Variants in SNTG1 observed in about 807,000 individuals in gnomAD.
SNTG1 encodes the protein gamma-1-syntrophin.
SNTG1 carries 39 observed loss-of-function variants against 74.7 expected under a neutral mutation model. The ratio of observed to expected loss-of-function variants is 0.52; its 90% CI spans 0.40 to 0.68. The LOEUF is 0.68. SNTG1 is among the 30% of genes least tolerant of loss of function. The probability of loss-of-function intolerance (pLI) is 0.00; values close to 1 mark genes in which losing one functional copy is unlikely to be tolerated. For missense variants in SNTG1, 685 were observed against 609.5 expected, an observed-to-expected ratio of 1.12 and a Z score of -1.30; for synonymous variants, 254 against 217.1, an observed-to-expected ratio of 1.17 and a Z score of -1.49.
At chr8:50,142,859 G>A (rs2081718422) in intron 1 of SNTG1, among the ~76,000 whole-genome samples, 1 of 152,064 alleles carries the variant, frequency 6.6e-6, no homozygotes, top group South Asian at 2.1e-4. Context: ...ATCACCTGAG[G>A]TCAGGAGTTT....
At chr8:50,306,343 G>T (rs1436776316) in intron 2 of SNTG1, among the ~76,000 whole-genome samples, 1 of 151,908 alleles carries the variant, frequency 6.6e-6, no homozygotes, top group African/African-American at 2.4e-5. Flanking sequence ...TGTAAACTGG[G>T]CTGCAATAAA....
At chr8:49,931,377 A>C (rs1333007523) in intron 1 of SNTG1, among the ~76,000 whole-genome samples, 3 of 152,206 alleles carry the variant, frequency 2.0e-5, no homozygotes, top group Non-Finnish European at 4.4e-5. Context: ...TTTCATAAAC[A>C]AGGGAATCAT....
chr8:50,436,379 A>T (rs78594609), intron 4 of SNTG1, among the ~76,000 whole-genome samples: 3,807 of 152,180 alleles, frequency 0.025, 69 homozygotes, highest in South Asian at 0.08. Flanking sequence ...CCAGTATTTG[A>T]GTTATTCTAT....
At chr8:50,414,981 A>G (rs1013246020) in intron 4 of SNTG1, among the ~76,000 whole-genome samples, 2 of 152,222 alleles carry the variant, frequency 1.3e-5, no homozygotes, top group Admixed American at 6.6e-5. Context: ...TGAACAATAA[A>G]GATGGCTGTC....
At position 50,449,684 on chromosome 8, in the gene SNTG1, A is replaced by C; in HGVS notation, c.236A>C (p.Asn79Thr). 6.3e-7 allele frequency: 1 copy of C among 1,599,672 alleles called. No individual in the cohort carries two copies. The change falls in exon 6 of 19, where the codon AAC becomes ACC. Residue 79 changes from asparagine to threonine, a missense_variant. By Grantham distance (65) the Asn-to-Thr change is moderately conservative. Transcript: ENST00000642720. ...TCTTTTCAGGGAGGAGCAGAACATA[A>C]CATTCCAGTTGTCGTTTCAAAAATC... ...GLSIKGGAEH[N>T]IPVVVSKISK...
intron 15 of SNTG1, among the ~76,000 whole-genome samples, chr8:50,671,472 T>C (rs1427128728): frequency 3.9e-5 from 6 of 152,042 alleles, no homozygotes; most frequent in Non-Finnish European, 8.8e-5. Flanking sequence ...ATCAGAGAAA[T>C]GCAAATCAAA....
At chr8:50,029,978 G>T (rs750392911) in intron 1 of SNTG1, among the ~76,000 whole-genome samples, 1 of 152,010 alleles carries the variant, frequency 6.6e-6, no homozygotes. Flanking sequence ...GTGTATGAGG[G>T]TTCCCCATTC....
chr8:50,154,683 TG>T (rs1405135223), intron 1 of SNTG1, among the ~76,000 whole-genome samples: 2 of 152,180 alleles, frequency 1.3e-5, no homozygotes, highest in Non-Finnish European at 2.9e-5. Flanking sequence ...GGGGAAGCAT[TG>T]AACTAACCAA....
At chr8:50,349,743 G>C (rs1587257820) in intron 2 of SNTG1, among the ~76,000 whole-genome samples, 1 of 152,328 alleles carries the variant, frequency 6.6e-6, no homozygotes, top group Non-Finnish European at 1.5e-5. Context: ...CCCTTGAGAA[G>C]TGACAGTGTG....
At chr8:50,464,148 G>C (rs1587711731) in intron 8 of SNTG1, among the ~76,000 whole-genome samples, 1 of 152,112 alleles carries the variant, frequency 6.6e-6, no homozygotes, top group Non-Finnish European at 1.5e-5. Flanking sequence ...GTTGTGGCTG[G>C]TTAGATCTAT....
At chr8:50,214,170 A>T (rs867362529) in intron 2 of SNTG1, among the ~76,000 whole-genome samples, 25 of 149,146 alleles carry the variant, frequency 1.7e-4, no homozygotes, top group African/African-American at 6.2e-4. Flanking sequence ...AAAAAACCAA[A>T]CACCGCATAT....
At chr8:50,790,927 A>G (rs761713054) in intron 18 of SNTG1, among the ~76,000 whole-genome samples, 63 of 152,074 alleles carry the variant, frequency 4.1e-4, no homozygotes, top group South Asian at 2.1e-3. Flanking sequence ...ACCTTTGAGA[A>G]AAAGTTATTT....
chr8:50,467,064 G>A lies in SNTG1; in HGVS notation c.363+16335G>A, dbSNP rs540887889. ...ACTCTTTTTATACATTATTCAGTTT[G>A]ATTTGCTAATATTTTATTCACAATC... On this transcript the variant is annotated intron_variant, in intron 8 of 18. Transcript: ENST00000642720. 1.1e-4 allele frequency among the ~76,000 whole-genome samples: 16 copies of A among 151,922 alleles called. No individual in the cohort carries two copies. In the East Asian group the frequency reaches 2.9e-3, roughly 28 times the overall value.
chr8:50,535,649 A>G (rs75276483), intron 10 of SNTG1, among the ~76,000 whole-genome samples: 7,278 of 152,270 alleles, frequency 0.048, 307 homozygotes, highest in African/African-American at 0.11. Context: ...TATTTGCTCA[A>G]TCTGCCACAA....
At chr8:49,979,229 G>C (rs1191937985) in intron 1 of SNTG1, among the ~76,000 whole-genome samples, 2 of 152,224 alleles carry the variant, frequency 1.3e-5, no homozygotes, top group East Asian at 3.9e-4. Flanking sequence ...GGTGCAGCCA[G>C]AGCGGAGTGC....
At chr8:50,401,183 C>T (rs1487400913) in intron 3 of SNTG1, among the ~76,000 whole-genome samples, 27 of 152,052 alleles carry the variant, frequency 1.8e-4, no homozygotes, top group Admixed American at 1.7e-3. Context: ...ATAATTATTA[C>T]AAGAAAATGT....
At chr8:50,233,401 G>T (rs972996444) in intron 2 of SNTG1, among the ~76,000 whole-genome samples, 1 of 151,316 alleles carries the variant, frequency 6.6e-6, no homozygotes, top group Non-Finnish European at 1.5e-5. Flanking sequence ...TCATGTAAAA[G>T]AAAAAAATAA....
At chr8:49,999,051 A>G (rs1229483486) in intron 1 of SNTG1, among the ~76,000 whole-genome samples, 2 of 151,946 alleles carry the variant, frequency 1.3e-5, no homozygotes, top group East Asian at 3.9e-4. Context: ...GAAGTGTTCA[A>G]CTCCTTTATA....
Position 50,445,658 on chromosome 8 carries a change from T to C in SNTG1, c.220-4010T>C, listed in dbSNP as rs546512090. ...TGCGAACATTACCTGGGCTGTGCTTTAGAACACTGCCTTCCTTTTCCTAAT... is the reference window on the plus strand; with the variant it reads ...TGCGAACATTACCTGGGCTGTGCTTCAGAACACTGCCTTCCTTTTCCTAAT... On this transcript the variant is annotated intron_variant, in intron 5 of 18. Coordinates refer to ENST00000642720, the MANE Select transcript of SNTG1 (RefSeq NM_018967.5). Among the ~76,000 whole-genome samples, 154 of 152,314 alleles carry C rather than the reference T, an allele frequency of 1.0e-3. 1 individual carries two copies. Among genetic ancestry groups the C allele is most frequent in the Middle Eastern group, 3.4e-3 (1 of 294 alleles).
Sources: gnomAD v4.1 joint callset for allele counts (sites outside exome capture counted in the v4.1 genomes callset) on GRCh38, gnomAD v4.1.1 for gene constraint, MANE v1.5 for transcripts, NCBI Gene and HGNC (gene_info 2026-07-23, HGNC 2026-07-21) for gene names.